The following VPS13D variants were observed in gnomAD, a reference collection of about 807,000 sequenced individuals.
The protein encoded by VPS13D is vacuolar protein sorting 13 homolog D.
A neutral mutation model predicts 461.9 loss-of-function variants in VPS13D; 187 were observed. The ratio of observed to expected loss-of-function variants is 0.40; its 90% CI spans 0.36 to 0.46. VPS13D has a LOEUF of 0.46. Ranked by LOEUF, VPS13D falls within the 20% of genes least tolerant of loss-of-function variation. The probability of loss-of-function intolerance (pLI) is 0.60; values close to 1 mark genes in which losing one functional copy is unlikely to be tolerated. For synonymous variants in VPS13D, 1,951 were observed against 1,986.3 expected (o/e 0.98, Z 0.47); for missense variants, 4,711 against 5,364.9 (o/e 0.88, Z 3.81).
intron 67 of VPS13D, among the ~76,000 whole-genome samples, chr1:12,491,890 C>T (rs1164498566): frequency 6.6e-6 from 1 of 152,244 alleles, no homozygotes. Context: ...ACATGGCCGA[C>T]AAGCTCCAGC....
chr1:12,477,343 C>T (rs1645645942), intron 67 of VPS13D, among the ~76,000 whole-genome samples: 1 of 152,160 alleles, frequency 6.6e-6, no homozygotes, highest in African/African-American at 2.4e-5. Flanking sequence ...TTTCAGACTT[C>T]CAAAATTCAA....
chr1:12,270,620 T>TC (rs140223068), intron 16 of VPS13D, among the ~76,000 whole-genome samples: 6,304 of 152,228 alleles, frequency 0.041, 257 homozygotes, highest in African/African-American at 0.11. Context: ...TTGCCTCCTC[T>TC]CCCCCCATGG....
At chr1:12,452,560 C>T (rs1170649796) in intron 65 of VPS13D, among the ~76,000 whole-genome samples, 1 of 152,214 alleles carries the variant, frequency 6.6e-6, no homozygotes, top group African/African-American at 2.4e-5. Flanking sequence ...TACCTTCCCA[C>T]TGAGGTGGGG....
Position 12,496,799 on chromosome 1 carries a change from G to A in VPS13D, c.12663-701G>A, listed in dbSNP as rs570617207. On this transcript the variant is annotated intron_variant, in intron 67 of 69. Coordinates refer to ENST00000620676, the MANE Select transcript of VPS13D (RefSeq NM_015378.4). ...ATAACAAAGCAGATTCCTCCGGGCC[G>A]CCGACAGCTGAGTGGCCCGAGTTAG... Among the ~76,000 whole-genome samples the A allele has an allele frequency of 7.0e-4, 107 of 152,338 alleles. 2 individuals are homozygous for A. Among genetic ancestry groups the A allele is most frequent in the Middle Eastern group, 3.4e-3 (1 of 294 alleles).
At position 12,252,415 on chromosome 1, in the gene VPS13D, C is replaced by T. The variant is rs537407201; in HGVS notation, c.565-1307C>T. ...CCCTGAAGATATCAGGCCTTTTGTA[C>T]GGTCACCCTTCCATATCCTCAGGTT... On this transcript the variant is annotated intron_variant, in intron 6 of 69. Coordinates refer to ENST00000620676, the MANE Select transcript of VPS13D (RefSeq NM_015378.4). Among the ~76,000 whole-genome samples, 15 of 152,278 alleles carry T rather than the reference C, an allele frequency of 9.9e-5. No individual in the cohort carries two copies. In the East Asian group the frequency reaches 1.4e-3, roughly 14 times the overall value.
At chr1:12,354,491 G>A (rs574968982) in intron 47 of VPS13D, among the ~76,000 whole-genome samples, 33 of 152,052 alleles carry the variant, frequency 2.2e-4, no homozygotes, top group Non-Finnish European at 3.5e-4. Flanking sequence ...CTATGTTCAC[G>A]CTACTGCCCA....
At chr1:12,412,144 A>G (rs114356339) in intron 63 of VPS13D, among the ~76,000 whole-genome samples, 19 of 152,344 alleles carry the variant, frequency 1.2e-4, no homozygotes, top group Admixed American at 1.3e-4. Flanking sequence ...ACAATTAAAC[A>G]TTATTGTGAA....
intron 43 of VPS13D, 81 bp downstream of exon 43, chr1:12,345,590 T>A (rs1643658293): frequency 6.6e-7 from 1 of 1,506,418 alleles, no homozygotes; most frequent in African/African-American, 1.4e-5. Flanking sequence ...CTTACTCTAA[T>A]GAAACTTTCT....
intron 17 of VPS13D, among the ~76,000 whole-genome samples, chr1:12,272,608 C>A (rs1250076613): frequency 1.3e-5 from 2 of 152,096 alleles, no homozygotes; most frequent in Non-Finnish European, 2.9e-5. Flanking sequence ...GCTTATGTTT[C>A]TCACTAAGAT....
chr1:12,234,508 A>AT, intron 2 of VPS13D, 145 bp downstream of exon 2: 1 of 536,832 alleles, frequency 1.9e-6, no homozygotes, highest in Non-Finnish European at 3.2e-6. Flanking sequence ...CATCCTGATG[A>AT]TTTTTCCAGA....
At chr1:12,483,189 G>A (rs1645747778) in intron 67 of VPS13D, among the ~76,000 whole-genome samples, 1 of 152,212 alleles carries the variant, frequency 6.6e-6, no homozygotes, top group Admixed American at 6.5e-5. Flanking sequence ...CTCCAGCCGT[G>A]TACCAGCTCT....
intron 65 of VPS13D, among the ~76,000 whole-genome samples, chr1:12,437,132 C>T (rs1379269473): frequency 6.6e-6 from 1 of 152,078 alleles, no homozygotes. Flanking sequence ...AAAACCAAAC[C>T]AAGTCATGGC....
chr1:12,317,347 G>T (rs545032272), intron 30 of VPS13D, among the ~76,000 whole-genome samples: 1 of 152,202 alleles, frequency 6.6e-6, no homozygotes, highest in East Asian at 1.9e-4. Context: ...GCTTTCGTAA[G>T]ATAACACAGC....
intron 37 of VPS13D, 142 bp downstream of exon 37, chr1:12,330,060 T>G (rs1473848658): frequency 1.5e-6 from 1 of 661,038 alleles, no homozygotes; most frequent in African/African-American, 1.8e-5. Flanking sequence ...GTAGACTGCA[T>G]AAACACAGAA....
chr1:12,371,898 A>G (rs539697838), intron 54 of VPS13D, among the ~76,000 whole-genome samples: 30 of 152,224 alleles, frequency 2.0e-4, no homozygotes, highest in African/African-American at 7.2e-4. Context: ...AGAAGAGTGG[A>G]GTTGCTGGGT....
chr1:12,360,638 G>T (rs145577801), intron 50 of VPS13D, among the ~76,000 whole-genome samples: 8 of 152,258 alleles, frequency 5.3e-5, no homozygotes, highest in African/African-American at 1.4e-4. Flanking sequence ...GACAATGAAA[G>T]CTTCTCTGCA....
At chr1:12,268,478 T>C (rs1641341451) in intron 15 of VPS13D, among the ~76,000 whole-genome samples, 1 of 152,030 alleles carries the variant, frequency 6.6e-6, no homozygotes, top group African/African-American at 2.4e-5. Flanking sequence ...TTCAGGTCCT[T>C]GGTTTCCATG....
intron 14 of VPS13D, among the ~76,000 whole-genome samples, chr1:12,267,480 G>T (rs1641308586): frequency 6.6e-6 from 1 of 152,102 alleles, no homozygotes; most frequent in African/African-American, 2.4e-5. Context: ...TGTCTAAATG[G>T]CTGAGTAGTT....
chr1:12,320,357 T>G (rs939362310), intron 32 of VPS13D, among the ~76,000 whole-genome samples: 13 of 152,240 alleles, frequency 8.5e-5, no homozygotes, highest in Non-Finnish European at 1.3e-4. Context: ...ACTTGACTCA[T>G]CTCAGCTCAC....
Sources: allele counts gnomAD v4.1 joint callset (sites outside exome capture counted in the v4.1 genomes callset), GRCh38; gene constraint gnomAD v4.1.1; transcripts MANE v1.5; gene names NCBI Gene and HGNC (gene_info 2026-07-23, HGNC 2026-07-21).